Variants in RMND5B observed in about 807,000 individuals in gnomAD.
RMND5B encodes the protein required for meiotic nuclear division 5 homolog B, also known as E3 ubiquitin-protein transferase RMND5B.
RMND5B carries 42 observed loss-of-function variants against 50.4 expected under a neutral mutation model. The observed-to-expected ratio is 0.83, with a 90% CI of 0.65 to 1.08. The LOEUF (loss-of-function observed/expected upper bound fraction) is 1.08, where lower values mean the gene tolerates loss of function less well. Among genes scored for constraint, RMND5B ranks in the 50% least tolerant of loss-of-function variants. The pLI is 0.00. For missense variants in RMND5B, 463 were observed against 508.5 expected, an observed-to-expected ratio of 0.91 and a Z score of 0.86; for synonymous variants, 220 against 210.0, an observed-to-expected ratio of 1.05 and a Z score of -0.41.
At chr5:178,147,658 G>A (rs761264323) in intron 9 of RMND5B, 23 bp downstream of exon 9, 6 of 1,613,902 alleles carry the variant, frequency 3.7e-6, no homozygotes, top group East Asian at 2.2e-5. Context: ...CTGGGGAATC[G>A]TGGGCAAGAG....
Position 178,149,745 on chromosome 5 carries a change from C to T in RMND5B, c.*1713C>T. On this transcript the variant is annotated 3_prime_UTR_variant, in exon 11 of 11. Transcript: ENST00000313386. ...GGTAGGGGCAGGGACTGCACCTCCTCCAGGCACTCATCGTAAGCCTCCTGG... is the reference window on the plus strand; with the variant it reads ...GGTAGGGGCAGGGACTGCACCTCCTTCAGGCACTCATCGTAAGCCTCCTGG... 2 of 1,614,076 alleles carry T rather than the reference C, an allele frequency of 1.2e-6. No homozygotes were observed. Among genetic ancestry groups the T allele is most frequent in the Non-Finnish European group, 1.7e-6 (2 of 1,179,996 alleles).
chr5:178,146,322 A>G, intron 8 of RMND5B, 43 bp downstream of exon 8: 1 of 1,581,666 alleles, frequency 6.3e-7, no homozygotes, highest in African/African-American at 1.3e-5. Context: ...GGGAGGGTAG[A>G]GAGGTAATCA....
intron 8 of RMND5B, chr5:178,146,547 T>C: frequency 2.3e-6 from 1 of 433,978 alleles, no homozygotes; most frequent in Admixed American, 3.5e-5. Context: ...CTGCCTCTCT[T>C]GCACCTCACC....
In RMND5B at chr5:178,143,945, G is replaced by T; in HGVS notation, c.531G>T (p.Trp177Cys). Residue 177 changes from tryptophan to cysteine, a missense_variant, in exon 7 of 11, where the codon TGG becomes TGT. By Grantham distance (215) the Trp-to-Cys change is radical. Coordinates refer to ENST00000313386, the MANE Select transcript of RMND5B (RefSeq NM_022762.5). ...AAACTGGCCCCTTTCTTCCCAGATG[G>T]GCCGTCTCCCACAGGCAGCGCCTGC... ...HEQDLGPALEWAVSHRQRLLE... is the reference protein window; with the variant it reads ...HEQDLGPALECAVSHRQRLLE... 1 of 1,614,190 alleles carries T rather than the reference G, an allele frequency of 6.2e-7. No homozygotes were observed. Among genetic ancestry groups the T allele is most frequent in the Non-Finnish European group, 8.5e-7 (1 of 1,179,996 alleles).
Position 178,131,227 on chromosome 5 carries a change from C to G in RMND5B, c.-152-10C>G, listed in dbSNP as rs1357696900. 1.3e-5 allele frequency: 2 copies of G among 152,062 alleles called. No homozygotes were observed. The highest frequency in any genetic ancestry group is 2.9e-5 in the Non-Finnish European group (2 of 68,016). The allele number at this position is 152,062 out of a possible 1,614,324, so 9.4% of individuals were successfully genotyped here. On this transcript the variant is annotated splice_polypyrimidine_tract_variant and intron_variant, in intron 1 of 10. Coordinates refer to ENST00000313386, the MANE Select transcript of RMND5B (RefSeq NM_022762.5). ...CGAACAATCTGCCCTTGGGCTTGTT[C>G]TCTTCGCAGTTGTCGGCCCTGGGCC... is the stretch of plus-strand genomic sequence containing the variant.
At chr5:178,144,180 C>T (rs1755853247) in intron 7 of RMND5B, 72 bp downstream of exon 7, 2 of 1,508,686 alleles carry the variant, frequency 1.3e-6, no homozygotes, top group East Asian at 2.3e-5. Flanking sequence ...TTACATCAGG[C>T]TGCCAGTCCC....
chr5:178,133,013 C>CCT (rs1758419436), intron 2 of RMND5B, among the ~76,000 whole-genome samples: 2 of 151,636 alleles, frequency 1.3e-5, no homozygotes, highest in Non-Finnish European at 2.9e-5. Flanking sequence ...TACAGGCACG[C>CCT]ACCACCACGC....
chr5:178,150,093 G>C lies in RMND5B; in HGVS notation c.*2061G>C. On this transcript the variant is annotated 3_prime_UTR_variant, in exon 11 of 11. Transcript: ENST00000313386. ...GCTCCAGCCCAGCAGGGGCTGTCCCGGTCCCTGCCACCCCCACTTCCTGTG... is the reference window on the plus strand; with the variant it reads ...GCTCCAGCCCAGCAGGGGCTGTCCCCGTCCCTGCCACCCCCACTTCCTGTG... 2.6e-6 allele frequency: 1 copy of C among 378,080 alleles called. No homozygotes were observed. Among genetic ancestry groups the C allele is most frequent in the Non-Finnish European group, 4.9e-6 (1 of 205,060 alleles). 23.4% of individuals were successfully genotyped at this position (378,080 alleles called of 1,614,324 possible).
intron 8 of RMND5B, 136 bp downstream of exon 8, chr5:178,146,415 A>G (rs767265054): frequency 9.0e-6 from 7 of 778,476 alleles, no homozygotes; most frequent in Non-Finnish European, 1.4e-5. Context: ...GTCATTCTTC[A>G]GGAGAGGAAT....
In RMND5B at chr5:178,147,752, G is replaced by A; in HGVS notation, c.987G>A (p.Lys329=). Residue 329 remains lysine (K), a synonymous_variant, in exon 10 of 11, where the codon AAG becomes AAA. Transcript: ENST00000313386. ...ELPIEIELGM[K]CWYHSVFACP... ...AGATTGAGATTGAACTAGGCATGAA[G>A]TGCTGGTACCACTCCGTGTTCGCTT... is the stretch of plus-strand genomic sequence containing the variant. 6.2e-7 allele frequency: 1 copy of A among 1,614,192 alleles called. No individual in the cohort carries two copies. Among genetic ancestry groups the A allele is most frequent in the Non-Finnish European group, 8.5e-7 (1 of 1,180,028 alleles).
At chr5:178,146,432 T>C in intron 8 of RMND5B, 153 bp downstream of exon 8, 1 of 687,350 alleles carries the variant, frequency 1.5e-6, no homozygotes, top group Non-Finnish European at 2.4e-6. Flanking sequence ...GAATTACCTG[T>C]TTTTACAGTT....
intron 3 of RMND5B, among the ~76,000 whole-genome samples, chr5:178,139,986 A>G (rs778125790): frequency 3.3e-5 from 5 of 151,940 alleles, no homozygotes; most frequent in Non-Finnish European, 7.4e-5. Flanking sequence ...GTCTTCCTTT[A>G]TCTTCCATGA....
intron 7 of RMND5B, 58 bp downstream of exon 7, chr5:178,144,166 T>C: frequency 6.4e-7 from 1 of 1,565,614 alleles, no homozygotes; most frequent in South Asian, 1.2e-5. Flanking sequence ...CTGGATGTGG[T>C]AGGTTACATC....
chr5:178,131,610 C>T (rs539717695), intron 2 of RMND5B, among the ~76,000 whole-genome samples: 3 of 148,406 alleles, frequency 2.0e-5, no homozygotes, highest in African/African-American at 7.4e-5. Context: ...CGATATGACA[C>T]GGTAACTGGT....
chr5:178,139,594 A>C (rs1355445025), intron 3 of RMND5B, among the ~76,000 whole-genome samples: 1 of 145,020 alleles, frequency 6.9e-6, no homozygotes, highest in Admixed American at 7.0e-5. Context: ...CCCAGGCTGG[A>C]GTGCAATGGC....
intron 3 of RMND5B, among the ~76,000 whole-genome samples, chr5:178,140,815 G>A (rs1326168397): frequency 6.6e-6 from 1 of 150,608 alleles, no homozygotes; most frequent in African/African-American, 2.4e-5. Flanking sequence ...GGGTGACAAA[G>A]CGAGACTGTC....
chr5:178,144,784 G>T (rs1211650522), intron 7 of RMND5B, among the ~76,000 whole-genome samples: 1 of 151,230 alleles, frequency 6.6e-6, no homozygotes, highest in Admixed American at 6.6e-5. Context: ...ACTTTGGGAG[G>T]CCAAAGCAAA....
At chr5:178,147,313 T>C in intron 8 of RMND5B, 1 of 577,962 alleles carries the variant, frequency 1.7e-6, no homozygotes, top group South Asian at 2.1e-5. Context: ...CCCTGTAGGT[T>C]CTCAAATTTT....
chr5:178,134,497 A>C (rs1758507943), intron 2 of RMND5B, among the ~76,000 whole-genome samples: 1 of 152,108 alleles, frequency 6.6e-6, no homozygotes, highest in Non-Finnish European at 1.5e-5. Context: ...TGGACATGAA[A>C]TTTCAATCTA....
Sources: allele counts gnomAD v4.1 joint callset (sites outside exome capture counted in the v4.1 genomes callset), GRCh38; gene constraint gnomAD v4.1.1; transcripts MANE v1.5; gene names NCBI Gene and HGNC (gene_info 2026-07-23, HGNC 2026-07-21).